The following MARCHF1 variants were observed in gnomAD, a reference collection of about 807,000 sequenced individuals.
The protein encoded by MARCHF1 is membrane associated ring-CH-type finger 1, also known as E3 ubiquitin-protein ligase MARCHF1.
Under a neutral mutation model 54.2 loss-of-function variants are expected in MARCHF1, and 40 were observed. The observed-to-expected ratio is 0.74, with a 90% CI of 0.57 to 0.96. The LOEUF is 0.96. Ranked by LOEUF, MARCHF1 falls within the 40% of genes least tolerant of loss-of-function variation. The pLI, the probability that MARCHF1 is intolerant of heterozygous loss-of-function variation, is 0.00. For missense variants in MARCHF1, 586 were observed against 656.5 expected (o/e 0.89, Z 1.17); for synonymous variants, 236 against 236.3 (o/e 1.00, Z 0.01).
intron 4 of MARCHF1, among the ~76,000 whole-genome samples, chr4:163,817,717 A>G (rs944147368): frequency 6.6e-6 from 1 of 152,094 alleles, no homozygotes; most frequent in Non-Finnish European, 1.5e-5. Flanking sequence ...TTAAAGGTTT[A>G]CGTATGTTTT....
Position 163,525,608 on chromosome 4 carries a change from A to AAAATT in MARCHF1, c.*3135_*3139dup, listed in dbSNP as rs1190806660. 1 of 152,086 alleles carries AAAATT rather than the reference A, an allele frequency of 6.6e-6. No homozygotes were observed. The highest frequency in any genetic ancestry group is 2.4e-5 in the African/African-American group (1 of 41,438). The allele number at this position is 152,086 out of a possible 1,614,324, so 9.4% of individuals were successfully genotyped here. A position where few individuals can be genotyped will look rare whatever the true frequency, so the allele number is the denominator to read the frequency against. ...ACGATAAGAGTGATAGTTCTTTAAA[A>AAAATT]AAATTAACAGCATCAATGTCTGGTT... On this transcript the variant is annotated 3_prime_UTR_variant, in exon 10 of 10. Transcript: ENST00000514618.
chr4:163,748,023 T>G (rs1009990739), intron 4 of MARCHF1, among the ~76,000 whole-genome samples: 1 of 152,180 alleles, frequency 6.6e-6, no homozygotes, highest in African/African-American at 2.4e-5. Flanking sequence ...GTAATTAACA[T>G]TTATTGTTCC....
At chr4:164,322,641 G>A (rs1031622693) in intron 1 of MARCHF1, among the ~76,000 whole-genome samples, 2 of 151,948 alleles carry the variant, frequency 1.3e-5, no homozygotes, top group African/African-American at 4.8e-5. Context: ...TGATGTTCTT[G>A]TTTTACATTG....
At chr4:163,706,285 A>G (rs1744947537) in intron 4 of MARCHF1, among the ~76,000 whole-genome samples, 1 of 152,090 alleles carries the variant, frequency 6.6e-6, no homozygotes, top group Admixed American at 6.6e-5. Flanking sequence ...CAAAGATGGT[A>G]GAGCTGAATT....
intron 1 of MARCHF1, among the ~76,000 whole-genome samples, chr4:164,325,107 T>C (rs1735239132): frequency 6.6e-6 from 1 of 151,740 alleles, no homozygotes; most frequent in South Asian, 2.1e-4. Context: ...AGTAGACAAA[T>C]AGATCAGTGG....
At chr4:163,744,590 GAAT>G (rs1212211601) in intron 4 of MARCHF1, among the ~76,000 whole-genome samples, 1 of 152,130 alleles carries the variant, frequency 6.6e-6, no homozygotes, top group Non-Finnish European at 1.5e-5. Flanking sequence ...TAAGTGTCCA[GAAT>G]AATACCTGTC....
intron 5 of MARCHF1, among the ~76,000 whole-genome samples, chr4:163,654,892 T>A (rs936295548): frequency 1.3e-5 from 2 of 151,658 alleles, no homozygotes; most frequent in African/African-American, 4.8e-5. Context: ...TGATTAGTCA[T>A]ATAGATCTCT....
At chr4:164,004,185 C>T (rs1753240213) in intron 2 of MARCHF1, among the ~76,000 whole-genome samples, 1 of 151,638 alleles carries the variant, frequency 6.6e-6, no homozygotes, top group Admixed American at 6.6e-5. Context: ...GCATGTGGGG[C>T]TTAAAAATCT....
At chr4:163,786,988 T>C (rs979971953) in intron 4 of MARCHF1, among the ~76,000 whole-genome samples, 1 of 151,920 alleles carries the variant, frequency 6.6e-6, no homozygotes. Flanking sequence ...TACAGGAAAG[T>C]CTCTAGAGCA....
chr4:164,178,898 A>T (rs1730758445), intron 1 of MARCHF1, among the ~76,000 whole-genome samples: 1 of 152,184 alleles, frequency 6.6e-6, no homozygotes, highest in South Asian at 2.1e-4. Context: ...TTCTCCTATG[A>T]GTTGACAAAC....
At position 164,190,847 on chromosome 4, in the gene MARCHF1, G is replaced by A. The variant is rs17476209; in HGVS notation, c.-322-79185C>T. ...GAAGCAACAGGTTCAGACTTTTTAG[G>A]GCAGAGGACACATTACTGAGCTAGC... On this transcript the variant is annotated intron_variant, in intron 1 of 9. Transcript: ENST00000514618. Among the ~76,000 whole-genome samples, 641 of 152,184 alleles carry A rather than the reference G, an allele frequency of 4.2e-3. 3 individuals are homozygous for A. Among genetic ancestry groups the A allele is most frequent in the Admixed American group, 8.2e-3 (125 of 15,282 alleles).
At chr4:164,304,787 A>G (rs527350908) in intron 1 of MARCHF1, among the ~76,000 whole-genome samples, 5 of 152,210 alleles carry the variant, frequency 3.3e-5, no homozygotes, top group Non-Finnish European at 2.9e-5. Flanking sequence ...ACAGTTTTAT[A>G]AATGCCCATA....
At chr4:163,970,029 T>C (rs1448473677) in intron 3 of MARCHF1, among the ~76,000 whole-genome samples, 1 of 152,144 alleles carries the variant, frequency 6.6e-6, no homozygotes, top group East Asian at 1.9e-4. Context: ...AAGCAAGAGC[T>C]AAAGCCATTA....
chr4:164,203,359 C>G (rs1485614478), intron 1 of MARCHF1, among the ~76,000 whole-genome samples: 4 of 152,010 alleles, frequency 2.6e-5, no homozygotes, highest in African/African-American at 7.2e-5. Context: ...GTTAATTTGG[C>G]TCATTCTATT....
intron 1 of MARCHF1, among the ~76,000 whole-genome samples, chr4:164,204,142 T>C (rs534017314): frequency 4.8e-4 from 73 of 152,262 alleles, no homozygotes; most frequent in South Asian, 1.2e-3. Context: ...CTAAGCATAG[T>C]TGATAGATAG....
intron 4 of MARCHF1, among the ~76,000 whole-genome samples, chr4:163,797,599 A>C (rs1010166779): frequency 6.6e-6 from 1 of 151,906 alleles, no homozygotes; most frequent in African/African-American, 2.4e-5. Context: ...TCTGTACTAC[A>C]TTTCAGATAT....
intron 1 of MARCHF1, among the ~76,000 whole-genome samples, chr4:164,270,303 T>C (rs1297565536): frequency 6.6e-6 from 1 of 152,222 alleles, no homozygotes; most frequent in Non-Finnish European, 1.5e-5. Flanking sequence ...TATTCTTAAA[T>C]GTCCCATTCT....
chr4:163,820,595 A>G (rs561776940), intron 4 of MARCHF1, among the ~76,000 whole-genome samples: 2 of 152,188 alleles, frequency 1.3e-5, no homozygotes, highest in South Asian at 2.1e-4. Context: ...CAGTTTTACT[A>G]TCTTTCTCAC....
chr4:163,615,990 G>A (rs1227424856), intron 5 of MARCHF1, among the ~76,000 whole-genome samples: 1 of 152,072 alleles, frequency 6.6e-6, no homozygotes, highest in Admixed American at 6.6e-5. Context: ...ACATCTTAAT[G>A]ATGCTTAGTA....
Sources: gnomAD v4.1 joint callset for allele counts (sites outside exome capture counted in the v4.1 genomes callset) on GRCh38, gnomAD v4.1.1 for gene constraint, MANE v1.5 for transcripts, NCBI Gene and HGNC (gene_info 2026-07-23, HGNC 2026-07-21) for gene names.